Variants in USP13 observed in about 807,000 individuals in gnomAD.
USP13 encodes the protein ubiquitin carboxyl-terminal hydrolase 13.
A neutral mutation model predicts 107.8 loss-of-function variants in USP13; 68 were observed. The observed-to-expected ratio is 0.63, with a 90% CI of 0.52 to 0.77. USP13 has a LOEUF of 0.77. Ranked by LOEUF, USP13 falls within the 30% of genes least tolerant of loss-of-function variation. The pLI is 0.00. For synonymous variants in USP13, 377 were observed against 389.5 expected, an observed-to-expected ratio of 0.97 and a Z score of 0.38; for missense variants, 945 against 1,093.3, an observed-to-expected ratio of 0.86 and a Z score of 1.91.
chr3:179,673,838 G>A (rs898677043), intron 1 of USP13, among the ~76,000 whole-genome samples: 2 of 152,210 alleles, frequency 1.3e-5, no homozygotes, highest in Non-Finnish European at 1.5e-5. Context: ...AAGTGTGTCA[G>A]CTGACTGGGC....
chr3:179,674,140 G>T (rs991767378), intron 1 of USP13, among the ~76,000 whole-genome samples: 1 of 152,058 alleles, frequency 6.6e-6, no homozygotes, highest in African/African-American at 2.4e-5. Context: ...TGATTCACCC[G>T]CCTCAGCCTC....
chr3:179,708,563 G>A (rs985507233), intron 5 of USP13, among the ~76,000 whole-genome samples: 1 of 152,088 alleles, frequency 6.6e-6, no homozygotes, highest in Non-Finnish European at 1.5e-5. Flanking sequence ...TGATGTGCCC[G>A]CCTCGGCCTC....
intron 19 of USP13, among the ~76,000 whole-genome samples, chr3:179,769,476 T>G (rs1715279298): frequency 6.6e-6 from 1 of 152,162 alleles, no homozygotes; most frequent in Non-Finnish European, 1.5e-5. Context: ...GGCATGATCT[T>G]GGCTCATTGC....
intron 1 of USP13, among the ~76,000 whole-genome samples, chr3:179,680,273 T>G (rs1465674640): frequency 6.6e-6 from 1 of 152,320 alleles, no homozygotes; most frequent in East Asian, 1.9e-4. Context: ...ACGTGCATTA[T>G]AAGATTTCAT....
At chr3:179,769,056 C>A (rs1715268185) in intron 19 of USP13, among the ~76,000 whole-genome samples, 1 of 152,114 alleles carries the variant, frequency 6.6e-6, no homozygotes, top group Admixed American at 6.5e-5. Flanking sequence ...ATTCTCTAGA[C>A]CTTTTTAGAC....
In USP13 at chr3:179,723,913, G is replaced by A. The variant is rs185412948; in HGVS notation, c.1088+2324G>A. Reference sequence around the variant, plus strand: ...CATACCTGTAAACCCAGTACTTTGGGAGGCTGAGGCAGGAGGATTACTTGA... The same window carrying A: ...CATACCTGTAAACCCAGTACTTTGGAAGGCTGAGGCAGGAGGATTACTTGA... On this transcript the variant is annotated intron_variant, in intron 8 of 20. Coordinates refer to ENST00000263966, the MANE Select transcript of USP13 (RefSeq NM_003940.3). 1.1e-3 allele frequency among the ~76,000 whole-genome samples: 163 copies of A among 152,142 alleles called. 1 individual carries two copies. The highest frequency in any genetic ancestry group is 3.7e-3 in the African/African-American group (152 of 41,512).
intron 17 of USP13, among the ~76,000 whole-genome samples, 195 bp downstream of exon 17, chr3:179,761,450 G>A (rs542477970): frequency 6.6e-5 from 10 of 152,050 alleles, no homozygotes; most frequent in African/African-American, 9.6e-5. Context: ...TAGGCCAGGC[G>A]TGGGGGCTCA....
chr3:179,758,592 G>A (rs1478375239), intron 16 of USP13, among the ~76,000 whole-genome samples: 4 of 151,256 alleles, frequency 2.6e-5, no homozygotes, highest in African/African-American at 7.3e-5. Context: ...TCCGCCTCCC[G>A]GGTTCACGCC....
chr3:179,764,160 C>T lies in USP13; in HGVS notation c.2251C>T (p.Arg751Ter), dbSNP rs764498152. The stretch of plus-strand genomic sequence containing the variant: ...GCGAAATCAGGCTATTCAGGCACTA[C>T]GAGCAACGGTGAGCATGAGAGACTG... ...FQRNQAIQALRATNNNLERAL... is the reference protein window; with the variant it reads ...FQRNQAIQAL The change falls in exon 18 of 21, where the codon CGA becomes TGA. Residue 751 changes from arginine (R) to a stop codon, truncating the protein, a stop_gained. Coordinates refer to ENST00000263966, the MANE Select transcript of USP13 (RefSeq NM_003940.3). LOFTEE classifies it high-confidence loss of function. The T allele has an allele frequency of 2.9e-5, 47 of 1,608,102 alleles. No homozygotes were observed. Among genetic ancestry groups the T allele is most frequent in the Non-Finnish European group, 3.8e-5 (45 of 1,178,846 alleles).
chr3:179,731,283 C>T (rs1422734763), intron 10 of USP13, among the ~76,000 whole-genome samples: 1 of 152,110 alleles, frequency 6.6e-6, no homozygotes, highest in Non-Finnish European at 1.5e-5. Flanking sequence ...TGGTGGTGCA[C>T]GCCTGTAATC....
At chr3:179,775,724 G>A (rs6777656) in intron 19 of USP13, among the ~76,000 whole-genome samples, 1,624 of 152,314 alleles carry the variant, frequency 0.011, 33 homozygotes, top group African/African-American at 0.038. Context: ...CACTGCTGGC[G>A]GACCTGGCAC....
intron 1 of USP13, among the ~76,000 whole-genome samples, chr3:179,680,347 G>A (rs1210773210): frequency 6.6e-6 from 1 of 152,084 alleles, no homozygotes; most frequent in African/African-American, 2.4e-5. Flanking sequence ...CTTGGCACTA[G>A]AAGTGTTTCA....
Position 179,730,715 on chromosome 3 carries a change from T to G in USP13, c.1254+6T>G. The G allele has an allele frequency of 6.2e-7, 1 of 1,612,562 alleles. No homozygotes were observed. The highest frequency in any genetic ancestry group is 8.5e-7 in the Non-Finnish European group (1 of 1,178,842). ...TGATGAAGGAGGAGCACAAGGTATG[T>G]GTCCGAGCGTTTGCCATGTTGACAT... On this transcript the variant is annotated splice_donor_region_variant and intron_variant, in intron 10 of 20. Coordinates refer to ENST00000263966, the MANE Select transcript of USP13 (RefSeq NM_003940.3).
At chr3:179,682,898 C>T (rs1233279774) in intron 2 of USP13, among the ~76,000 whole-genome samples, 1 of 152,032 alleles carries the variant, frequency 6.6e-6, no homozygotes. Context: ...CAAGTCTCTC[C>T]CCAGAGTGAT....
At chr3:179,771,422 A>G (rs1715339436) in intron 19 of USP13, among the ~76,000 whole-genome samples, 1 of 152,158 alleles carries the variant, frequency 6.6e-6, no homozygotes, top group African/African-American at 2.4e-5. Flanking sequence ...CTGAGCTGAG[A>G]AGGGACAGGT....
At chr3:179,766,640 T>C (rs1715186694) in intron 19 of USP13, among the ~76,000 whole-genome samples, 1 of 152,232 alleles carries the variant, frequency 6.6e-6, no homozygotes, top group Non-Finnish European at 1.5e-5. Context: ...TATGTCACTA[T>C]GTGCCAGGCA....
intron 20 of USP13, among the ~76,000 whole-genome samples, chr3:179,783,150 A>G (rs1715805711): frequency 6.6e-6 from 1 of 152,250 alleles, no homozygotes; most frequent in Non-Finnish European, 1.5e-5. Context: ...ATGCTTTTTA[A>G]AAGAAAAATA....
At chr3:179,779,457 G>C (rs766216248) in intron 19 of USP13, among the ~76,000 whole-genome samples, 9 of 151,986 alleles carry the variant, frequency 5.9e-5, no homozygotes, top group Non-Finnish European at 1.3e-4. Flanking sequence ...TTGAAGCCAG[G>C]GGGTGGAGGT....
chr3:179,773,024 CTTG>C (rs1255092497), intron 19 of USP13, among the ~76,000 whole-genome samples: 1 of 152,168 alleles, frequency 6.6e-6, no homozygotes, highest in African/African-American at 2.4e-5. Flanking sequence ...AGAGATTGAA[CTTG>C]TTGTATATTG....
Sources: allele counts gnomAD v4.1 joint callset (sites outside exome capture counted in the v4.1 genomes callset), GRCh38; gene constraint gnomAD v4.1.1; transcripts MANE v1.5; gene names NCBI Gene and HGNC (gene_info 2026-07-23, HGNC 2026-07-21).